LRGUK: variants seen among roughly 807,000 people sequenced by gnomAD.
The protein encoded by LRGUK is leucine-rich repeat and guanylate kinase domain-containing protein.
Under a neutral mutation model 76.0 loss-of-function variants are expected in LRGUK, and 65 were observed. The ratio of observed to expected loss-of-function variants is 0.85; its 90% CI spans 0.70 to 1.05. LRGUK has a LOEUF of 1.05. Ranked by LOEUF, LRGUK falls within the 50% of genes least tolerant of loss-of-function variation. The probability of loss-of-function intolerance (pLI) is 0.00; values close to 1 mark genes in which losing one functional copy is unlikely to be tolerated. For synonymous variants in LRGUK, 268 were observed against 265.6 expected, an observed-to-expected ratio of 1.01 and a Z score of -0.09; for missense variants, 758 against 732.8, an observed-to-expected ratio of 1.03 and a Z score of -0.40.
intron 4 of LRGUK, among the ~76,000 whole-genome samples, chr7:134,146,506 T>G (rs1047033745): frequency 6.6e-6 from 1 of 152,212 alleles, no homozygotes; most frequent in South Asian, 2.1e-4. Flanking sequence ...CCAAACTGAC[T>G]TATTTCATAG....
chr7:134,215,499 C>CTGGGACAAGGATCTGGTGTAT (rs1349150452), intron 15 of LRGUK, among the ~76,000 whole-genome samples: 2 of 152,114 alleles, frequency 1.3e-5, no homozygotes, highest in Non-Finnish European at 2.9e-5. Flanking sequence ...GAATTCTTCT[C>CTGGGACAAGGATCTGGTGTAT]TGGGACAAGG....
chr7:134,197,167 ATG>A (rs10611703), intron 13 of LRGUK, 62 bp downstream of exon 13: 660,321 of 731,898 alleles, frequency 0.9, 296,754 homozygotes, highest in Non-Finnish European at 0.93. Flanking sequence ...GTGTGTGTGT[ATG>A]TGTGTGTGTG....
intron 5 of LRGUK, among the ~76,000 whole-genome samples, chr7:134,149,395 G>C (rs890471818): frequency 1.3e-5 from 2 of 152,138 alleles, no homozygotes; most frequent in Admixed American, 1.3e-4. Flanking sequence ...TGATTGCCTT[G>C]GGTGCCTCAT....
downstream of LRGUK, among the ~76,000 whole-genome samples, chr7:134,210,703 A>G (rs977965522): frequency 2.0e-5 from 3 of 152,214 alleles, no homozygotes; most frequent in Non-Finnish European, 4.4e-5. Flanking sequence ...CGCAATCCCC[A>G]GAGCAGGACA....
chr7:134,165,360 A>T (rs1798926915), intron 7 of LRGUK, among the ~76,000 whole-genome samples: 1 of 152,190 alleles, frequency 6.6e-6, no homozygotes, highest in Non-Finnish European at 1.5e-5. Context: ...CTGCACATAG[A>T]GAATGGTTTG....
exon 10 of LRGUK, chr7:134,178,608 A>G: frequency 1.9e-6 from 3 of 1,610,572 alleles, no homozygotes; most frequent in Non-Finnish European, 2.5e-6. Context: ...GATCTTTGAC[A>G]GGTACTTATT....
At chr7:134,174,573 A>C (rs1799403238) in exon 8 of LRGUK, 1 of 1,606,210 alleles carries the variant, frequency 6.2e-7, no homozygotes. Flanking sequence ...AGCTGAGAGA[A>C]ATAGAATACA....
Position 134,217,434 on chromosome 7 carries a change from T to G in LRGUK, c.1844-4345T>G, listed in dbSNP as rs554446031. Among the ~76,000 whole-genome samples, 4 of 152,306 alleles carry G rather than the reference T, an allele frequency of 2.6e-5. No individual in the cohort carries two copies. In the East Asian group the frequency reaches 7.7e-4, roughly 29 times the overall value. On this transcript the variant is annotated intron_variant, in intron 15 of 19. Coordinates refer to the LRGUK transcript ENST00000285928. ...ATATAGCACTTCACTGTTAGTATAG[T>G]TTAATAAATGTATTCACTTTCCCAT...
At chr7:134,199,982 TTATATATATA>T (rs71172442) in intron 14 of LRGUK, among the ~76,000 whole-genome samples, 520 of 38,422 alleles carry the variant, frequency 0.014, 10 homozygotes, top group African/African-American at 0.027. Flanking sequence ...CTAGAAACTT[TTATATATATA>T]TATATATATA....
the LRGUK span, among the ~76,000 whole-genome samples, chr7:134,271,131 T>C: frequency 6.6e-6 from 1 of 152,076 alleles, no homozygotes; most frequent in African/African-American, 2.4e-5. Flanking sequence ...TGCCTGTTTA[T>C]ATGTTTTGCC....
chr7:134,136,524 G>A (rs1013973227), intron 1 of LRGUK, among the ~76,000 whole-genome samples: 1 of 152,164 alleles, frequency 6.6e-6, no homozygotes, highest in Non-Finnish European at 1.5e-5. Context: ...ATTGCCCTGG[G>A]ACTGGACAGA....
intron 1 of LRGUK, among the ~76,000 whole-genome samples, chr7:134,133,936 C>T (rs898625245): frequency 6.6e-6 from 1 of 151,908 alleles, no homozygotes; most frequent in African/African-American, 2.4e-5. Flanking sequence ...GTGGCACATG[C>T]CTGTAGACCC....
intron 4 of LRGUK, among the ~76,000 whole-genome samples, chr7:134,147,137 G>T (rs1563143442): frequency 6.6e-6 from 1 of 152,134 alleles, no homozygotes; most frequent in East Asian, 1.9e-4. Context: ...ACTAGGCCGG[G>T]CGCAGTGGCT....
At chr7:134,238,144 C>A (rs1802057225) in intron 16 of LRGUK, among the ~76,000 whole-genome samples, 1 of 152,124 alleles carries the variant, frequency 6.6e-6, no homozygotes, top group Admixed American at 6.5e-5. Flanking sequence ...TATGTACATA[C>A]TTAATACTCA....
chr7:134,174,682 G>A (rs779098463), intron 8 of LRGUK, 46 bp downstream of exon 8: 4 of 1,040,882 alleles, frequency 3.8e-6, no homozygotes, highest in Non-Finnish European at 6.0e-6. Flanking sequence ...AAGAAAGTGG[G>A]ATGGTGGAGG....
chr7:134,212,203 A>G (rs948129501), downstream of LRGUK, among the ~76,000 whole-genome samples: 3 of 152,226 alleles, frequency 2.0e-5, no homozygotes, highest in Non-Finnish European at 4.4e-5. Context: ...TCTTAAACCA[A>G]TCTACTCTGG....
intron 12 of LRGUK, among the ~76,000 whole-genome samples, chr7:134,194,389 G>C (rs1271194024): frequency 6.6e-6 from 1 of 152,096 alleles, no homozygotes; most frequent in Non-Finnish European, 1.5e-5. Flanking sequence ...TTTGAAAACA[G>C]CGAGTCACAG....
intron 11 of LRGUK, among the ~76,000 whole-genome samples, chr7:134,184,156 G>T (rs1019284638): frequency 5.3e-5 from 8 of 152,164 alleles, no homozygotes; most frequent in African/African-American, 1.9e-4. Context: ...TGGAACGATA[G>T]AATCTTGATT....
chr7:134,183,322 A>C (rs1799838428), intron 10 of LRGUK, among the ~76,000 whole-genome samples: 1 of 152,218 alleles, frequency 6.6e-6, no homozygotes, highest in African/African-American at 2.4e-5. Context: ...AATTTTAGCT[A>C]TTACTGTTAA....
Sources: allele counts gnomAD v4.1 joint callset (sites outside exome capture counted in the v4.1 genomes callset), GRCh38; gene constraint gnomAD v4.1.1; transcripts MANE v1.5; gene names NCBI Gene and HGNC (gene_info 2026-07-23, HGNC 2026-07-21).